Variants in RGS7 observed in about 807,000 individuals in gnomAD.
RGS7 encodes the protein regulator of G protein signaling 7, also known as regulator of G-protein signaling 7.
Under a neutral mutation model 81.1 loss-of-function variants are expected in RGS7, and 27 were observed. The ratio of observed to expected loss-of-function variants is 0.33; its 90% CI spans 0.25 to 0.46. The LOEUF is 0.46. Ranked by LOEUF, RGS7 falls within the 20% of genes least tolerant of loss-of-function variation. The pLI is 1.00. For missense variants in RGS7, 396 were observed against 607.4 expected (o/e 0.65, Z 3.66); for synonymous variants, 208 against 207.7 (o/e 1.00, Z -0.01).
chr1:241,310,109 A>G (rs2080418019), intron 2 of RGS7, among the ~76,000 whole-genome samples: 1 of 152,242 alleles, frequency 6.6e-6, no homozygotes, highest in Non-Finnish European at 1.5e-5. Flanking sequence ...ACAATAAGGT[A>G]TACTGCCCAG....
At chr1:241,158,979 A>C (rs1198766244) in intron 2 of RGS7, among the ~76,000 whole-genome samples, 5 of 152,190 alleles carry the variant, frequency 3.3e-5, no homozygotes, top group Non-Finnish European at 4.4e-5. Context: ...TTATTTCTGC[A>C]ATATGTCTCA....
At chr1:241,248,509 C>T (rs2076670873) in intron 2 of RGS7, among the ~76,000 whole-genome samples, 2 of 151,306 alleles carry the variant, frequency 1.3e-5, no homozygotes, top group South Asian at 4.2e-4. Flanking sequence ...GTTCAGTCTC[C>T]CATCTTGCTG....
chr1:241,097,592 C>T (rs759372326), intron 3 of RGS7, among the ~76,000 whole-genome samples: 94 of 152,230 alleles, frequency 6.2e-4, no homozygotes, highest in Middle Eastern at 3.4e-3. Flanking sequence ...AAGCACCCTT[C>T]CCAGCCACAC....
chr1:240,919,774 A>G (rs1234337051), intron 6 of RGS7: 5 of 697,286 alleles, frequency 7.2e-6, no homozygotes, highest in Non-Finnish European at 1.3e-5. Context: ...ATGCTCATGG[A>G]CTGTGTGGTA....
chr1:240,956,049 A>C (rs568236496), intron 4 of RGS7, among the ~76,000 whole-genome samples: 10 of 152,300 alleles, frequency 6.6e-5, no homozygotes, highest in Admixed American at 3.9e-4. Flanking sequence ...GATAGCACTA[A>C]AATTTAGAAT....
chr1:241,044,389 C>A (rs2060798643), intron 3 of RGS7, among the ~76,000 whole-genome samples: 1 of 152,000 alleles, frequency 6.6e-6, no homozygotes, highest in African/African-American at 2.4e-5. Context: ...GGAATACAGG[C>A]ATGAGCTACC....
At chr1:240,945,227 A>G (rs1678400858) in intron 4 of RGS7, among the ~76,000 whole-genome samples, 1 of 152,234 alleles carries the variant, frequency 6.6e-6, no homozygotes, top group South Asian at 2.1e-4. Context: ...CCAATACTCT[A>G]ACACGAAAGA....
At chr1:241,106,770 A>ACACACACACACCCC (rs2065142860) in intron 2 of RGS7, among the ~76,000 whole-genome samples, 1 of 149,400 alleles carries the variant, frequency 6.7e-6, no homozygotes, top group African/African-American at 2.5e-5. Flanking sequence ...ACACACACAC[A>ACACACACACACCCC]CACACACACA....
Position 240,883,559 on chromosome 1 carries a change from T to C in RGS7, c.386-13440A>G, listed in dbSNP as rs563204593. On this transcript the variant is annotated intron_variant, in intron 6 of 18. Coordinates refer to ENST00000440928, the MANE Select transcript of RGS7 (RefSeq NM_001364886.1). ...AAATTGCCTACTTACTAAAATTTGT[T>C]TGTAGCCCTCAAATCAATAACTCAT... Among the ~76,000 whole-genome samples the C allele has an allele frequency of 1.2e-4, 19 of 152,264 alleles. No individual in the cohort carries two copies. In the South Asian group the frequency reaches 3.1e-3, roughly 25 times the overall value.
At chr1:240,920,384 T>A (rs1422269828) in intron 6 of RGS7, 1 of 1,529,180 alleles carries the variant, frequency 6.5e-7, no homozygotes, top group Non-Finnish European at 8.9e-7. Context: ...ATGGCTATAA[T>A]GGATTTGGTA....
chr1:241,012,908 T>C (rs910519649), intron 3 of RGS7, among the ~76,000 whole-genome samples: 1 of 152,168 alleles, frequency 6.6e-6, no homozygotes, highest in Admixed American at 6.5e-5. Context: ...TGAGGTTTCA[T>C]CTGCATAACA....
chr1:241,308,048 C>T (rs1008564024), intron 2 of RGS7, among the ~76,000 whole-genome samples: 1 of 152,048 alleles, frequency 6.6e-6, no homozygotes, highest in South Asian at 2.1e-4. Flanking sequence ...AACAGCCTTA[C>T]CAAGGGGAAA....
chr1:240,875,380 T>C (rs1230943697), intron 6 of RGS7, among the ~76,000 whole-genome samples: 5 of 152,232 alleles, frequency 3.3e-5, no homozygotes, highest in Admixed American at 3.3e-4. Flanking sequence ...TTTTAAAGGC[T>C]GAATAGTATT....
Position 241,276,624 on chromosome 1 carries a change from A to G in RGS7, c.78+79075T>C, listed in dbSNP as rs59493540. ...CTCTTTTGTTGCTTCATTTTAGCTT[A>G]GTCAACGTCCAGACAATCAGGGTGT... On this transcript the variant is annotated intron_variant, in intron 2 of 18. Coordinates refer to ENST00000440928, the MANE Select transcript of RGS7 (RefSeq NM_001364886.1). 9.3e-3 allele frequency among the ~76,000 whole-genome samples: 1,416 copies of G among 152,326 alleles called. 24 individuals carry two copies. The highest frequency in any genetic ancestry group is 0.031 in the African/African-American group (1,309 of 41,564).
intron 2 of RGS7, among the ~76,000 whole-genome samples, chr1:241,259,667 A>AAAAAAAAATATATATATATATATATATAT: frequency 2.0e-5 from 1 of 49,142 alleles, no homozygotes; most frequent in African/African-American, 7.9e-5. Context: ...AAAAAAAAAA[A>AAAAAAAAATATATATATATATATATATAT]ATATATATAT....
At chr1:241,113,770 A>G (rs1329584178) in intron 2 of RGS7, among the ~76,000 whole-genome samples, 2 of 152,156 alleles carry the variant, frequency 1.3e-5, no homozygotes, top group African/African-American at 4.8e-5. Flanking sequence ...CCTTGATAAA[A>G]CATGTACTTT....
chr1:240,799,281 CTA>C (rs1687624424), intron 18 of RGS7, among the ~76,000 whole-genome samples: 1 of 117,576 alleles, frequency 8.5e-6, no homozygotes, highest in Non-Finnish European at 1.7e-5. Context: ...GTGTGTGTGT[CTA>C]TGTTTGTGTG....
intron 2 of RGS7, among the ~76,000 whole-genome samples, chr1:241,251,275 G>A (rs1365593608): frequency 6.6e-6 from 1 of 152,030 alleles, no homozygotes; most frequent in Non-Finnish European, 1.5e-5. Flanking sequence ...TTTGAAGCCC[G>A]GGCTTCAAAG....
intron 2 of RGS7, among the ~76,000 whole-genome samples, chr1:241,121,160 G>T (rs2066231435): frequency 6.6e-6 from 1 of 152,098 alleles, no homozygotes; most frequent in Non-Finnish European, 1.5e-5. Context: ...TCAGGAAAAA[G>T]AATTCAGAGG....
Sources: allele counts gnomAD v4.1 joint callset (sites outside exome capture counted in the v4.1 genomes callset), GRCh38; gene constraint gnomAD v4.1.1; transcripts MANE v1.5; gene names NCBI Gene and HGNC (gene_info 2026-07-23, HGNC 2026-07-21).